Variants in CACNA2D3 observed in about 807,000 individuals in gnomAD.
CACNA2D3 encodes the protein calcium voltage-gated channel auxiliary subunit alpha2delta 3.
A neutral mutation model predicts 160.6 loss-of-function variants in CACNA2D3; 60 were observed. That is an observed-to-expected ratio of 0.37 (90% CI 0.30 to 0.46). The LOEUF (loss-of-function observed/expected upper bound fraction) is 0.46. CACNA2D3 is among the 20% of genes least tolerant of loss of function. The pLI is 1.00. For missense variants in CACNA2D3, 1,205 were observed against 1,365.0 expected, an observed-to-expected ratio of 0.88 and a Z score of 1.85; for synonymous variants, 558 against 492.9, an observed-to-expected ratio of 1.13 and a Z score of -1.75.
chr3:54,844,128 C>T (rs1698881730), intron 16 of CACNA2D3, among the ~76,000 whole-genome samples: 1 of 151,920 alleles, frequency 6.6e-6, no homozygotes, highest in Non-Finnish European at 1.5e-5. Flanking sequence ...AAAATGAGTA[C>T]TTGAGGAATG....
intron 25 of CACNA2D3, among the ~76,000 whole-genome samples, chr3:54,891,939 GA>G (rs1355851428): frequency 3.3e-5 from 5 of 152,184 alleles, no homozygotes; most frequent in African/African-American, 1.2e-4. Context: ...CCACACCCAG[GA>G]GTGGGCCCTC....
chr3:54,483,467 C>T (rs1385626584), intron 4 of CACNA2D3, among the ~76,000 whole-genome samples: 2 of 152,202 alleles, frequency 1.3e-5, no homozygotes, highest in Non-Finnish European at 2.9e-5. Flanking sequence ...TGCCACAGAG[C>T]AGTTCCCCGA....
At chr3:54,923,622 A>G (rs1001392564) in intron 27 of CACNA2D3, among the ~76,000 whole-genome samples, 2 of 152,230 alleles carry the variant, frequency 1.3e-5, no homozygotes, top group Non-Finnish European at 2.9e-5. Flanking sequence ...AGGCACTGCC[A>G]TCTTCTCAGT....
At chr3:54,447,328 A>G (rs1254941340) in intron 4 of CACNA2D3, among the ~76,000 whole-genome samples, 1 of 152,240 alleles carries the variant, frequency 6.6e-6, no homozygotes, top group Non-Finnish European at 1.5e-5. Context: ...AAGAAGAAAA[A>G]TCCTGGAAGA....
intron 27 of CACNA2D3, among the ~76,000 whole-genome samples, chr3:54,951,039 A>G (rs2107015291): frequency 6.6e-6 from 1 of 152,368 alleles, no homozygotes; most frequent in Non-Finnish European, 1.5e-5. Context: ...CTCCAAATGA[A>G]ATTCATAGAA....
chr3:54,541,047 G>T (rs887741473), intron 5 of CACNA2D3, among the ~76,000 whole-genome samples: 10 of 152,216 alleles, frequency 6.6e-5, no homozygotes, highest in Non-Finnish European at 1.3e-4. Context: ...GGAGGCCAAG[G>T]TGGGCAGATC....
intron 4 of CACNA2D3, among the ~76,000 whole-genome samples, chr3:54,501,895 G>A (rs532440801): frequency 5.3e-5 from 8 of 152,228 alleles, no homozygotes; most frequent in South Asian, 2.1e-4. Context: ...AATTTCATGG[G>A]ATACAGAATT....
chr3:54,774,238 G>A (rs879524386), intron 13 of CACNA2D3, among the ~76,000 whole-genome samples: 7 of 152,156 alleles, frequency 4.6e-5, no homozygotes, highest in South Asian at 2.1e-4. Flanking sequence ...AGAACTACCC[G>A]AGACTGAGAC....
chr3:54,780,142 A>G (rs1249654476), intron 13 of CACNA2D3, among the ~76,000 whole-genome samples: 3 of 152,242 alleles, frequency 2.0e-5, no homozygotes, highest in Admixed American at 1.3e-4. Context: ...TTGCTACAAC[A>G]TGGATGGTGG....
chr3:54,289,745 A>G (rs1415946928), intron 2 of CACNA2D3, among the ~76,000 whole-genome samples: 2 of 152,212 alleles, frequency 1.3e-5, no homozygotes, highest in South Asian at 2.1e-4. Flanking sequence ...GCCCTCAGAA[A>G]TAATGCCGCA....
intron 18 of CACNA2D3, chr3:54,875,491 C>T (rs1699637930): frequency 6.6e-6 from 1 of 152,198 alleles, no homozygotes; most frequent in African/African-American, 2.4e-5. Context: ...CTAATGTGGA[C>T]AATGAGCCAC....
chr3:54,619,852 C>A (rs1698944777), intron 9 of CACNA2D3, among the ~76,000 whole-genome samples: 1 of 152,122 alleles, frequency 6.6e-6, no homozygotes, highest in African/African-American at 2.4e-5. Context: ...CCCAAAGAGG[C>A]TGTAAAAGTC....
At chr3:54,511,785 A>G (rs1418670089) in intron 5 of CACNA2D3, among the ~76,000 whole-genome samples, 1 of 152,200 alleles carries the variant, frequency 6.6e-6, no homozygotes, top group Non-Finnish European at 1.5e-5. Flanking sequence ...GGTTACAGTA[A>G]TAGTAGGGAG....
chr3:54,906,371 G>C (rs1273926755), intron 27 of CACNA2D3, among the ~76,000 whole-genome samples: 1 of 152,172 alleles, frequency 6.6e-6, no homozygotes, highest in Non-Finnish European at 1.5e-5. Context: ...ATGTGCACAT[G>C]GGTATGTGGT....
chr3:54,909,082 T>G (rs963025138), intron 27 of CACNA2D3, among the ~76,000 whole-genome samples: 13 of 152,222 alleles, frequency 8.5e-5, no homozygotes, highest in South Asian at 8.3e-4. Flanking sequence ...CAGAGCTTTG[T>G]GTATCAGAGG....
In CACNA2D3 at chr3:54,615,880, A is replaced by G. The variant is rs80227359; in HGVS notation, c.964-11907A>G. Among the ~76,000 whole-genome samples the G allele has an allele frequency of 9.9e-3, 1,512 of 152,314 alleles. 61 individuals are homozygous for G. The East Asian group carries it at 0.11, about 11-fold the overall frequency. On this transcript the variant is annotated intron_variant, in intron 9 of 37. Coordinates refer to ENST00000474759, the MANE Select transcript of CACNA2D3 (RefSeq NM_018398.3). ...ACCTGAGCTCTACCTCAGATCAGCCAGCAGCATCATTTGATTCTTACAGGA... is the reference window on the plus strand; with the variant it reads ...ACCTGAGCTCTACCTCAGATCAGCCGGCAGCATCATTTGATTCTTACAGGA...
chr3:54,698,947 C>T (rs147142980), intron 11 of CACNA2D3, among the ~76,000 whole-genome samples: 97 of 152,232 alleles, frequency 6.4e-4, no homozygotes, highest in Non-Finnish European at 1.2e-3. Flanking sequence ...TGAATGCAGG[C>T]GGCCCTGCAA....
At chr3:54,516,559 G>A (rs2106975643) in intron 5 of CACNA2D3, among the ~76,000 whole-genome samples, 1 of 152,236 alleles carries the variant, frequency 6.6e-6, no homozygotes, top group Admixed American at 6.5e-5. Flanking sequence ...CTGGCAGGTG[G>A]ACTGATCCAC....
At chr3:54,408,599 T>C (rs1176599479) in intron 4 of CACNA2D3, among the ~76,000 whole-genome samples, 9 of 152,158 alleles carry the variant, frequency 5.9e-5, no homozygotes, top group Non-Finnish European at 5.9e-5. Flanking sequence ...GTCTCCTTTT[T>C]CTCATCTTAC....
Sources: allele counts gnomAD v4.1 joint callset (sites outside exome capture counted in the v4.1 genomes callset), GRCh38; gene constraint gnomAD v4.1.1; transcripts MANE v1.5; gene names NCBI Gene and HGNC (gene_info 2026-07-23, HGNC 2026-07-21).